The following BTD variants were observed in gnomAD, a reference collection of about 807,000 sequenced individuals.
BTD encodes biocytinase.
Under a neutral mutation model 17.7 loss-of-function variants are expected in BTD, and 13 were observed. The observed-to-expected ratio is 0.74, with a 90% confidence interval of 0.48 to 1.17. The LOEUF (loss-of-function observed/expected upper bound fraction) is 1.17. Ranked by LOEUF, BTD falls within the 50% of genes most tolerant of loss-of-function variation. BTD has a pLI of 0.00. For missense variants in BTD, 674 were observed against 650.4 expected, an observed-to-expected ratio of 1.04 and a Z score of -0.39; for synonymous variants, 240 against 245.2, an observed-to-expected ratio of 0.98 and a Z score of 0.20.
chr3:15,617,132 C>T (rs1266310465), intron 1 of BTD, among the ~76,000 whole-genome samples: 1 of 152,198 alleles, frequency 6.6e-6, no homozygotes, highest in East Asian at 1.9e-4. Context: ...CATGCCCGGC[C>T]TTTTGCCTAT....
At chr3:15,601,515 A>C, upstream of BTD, 1 of 1,609,268 alleles carries the variant, frequency 6.2e-7, no homozygotes, top group African/African-American at 1.3e-5. Flanking sequence ...AAGCGGAATC[A>C]TCCAGCAAGG....
At chr3:15,710,581 C>T (rs1253431616) in exon 4 of BTD, among the ~76,000 whole-genome samples, 1 of 152,114 alleles carries the variant, frequency 6.6e-6, no homozygotes, top group Non-Finnish European at 1.5e-5. Context: ...TTGAGAATAA[C>T]GTTTTTGCAA....
intron 3 of BTD, chr3:15,690,360 C>G: frequency 1.4e-6 from 1 of 703,318 alleles, no homozygotes; most frequent in African/African-American, 1.8e-5. Flanking sequence ...ATCGAGAATT[C>G]AGGAAGTTAA....
chr3:15,604,558 C>T (rs1403311281), intron 1 of BTD, among the ~76,000 whole-genome samples: 1 of 152,198 alleles, frequency 6.6e-6, no homozygotes, highest in Admixed American at 6.5e-5. Flanking sequence ...TAATAGTTAG[C>T]TTCTTATTAC....
At chr3:15,720,969 A>G in intron 4 of BTD, 2 of 1,613,920 alleles carry the variant, frequency 1.2e-6, no homozygotes, top group South Asian at 2.2e-5. Flanking sequence ...ACAATGCTCC[A>G]TGTGTTGATG....
At chr3:15,654,300 A>G (rs1331893073), downstream of BTD, among the ~76,000 whole-genome samples, 1 of 152,106 alleles carries the variant, frequency 6.6e-6, no homozygotes, top group Non-Finnish European at 1.5e-5. Context: ...GGCTGGGGGA[A>G]GAGTTAGGGT....
chr3:15,674,718 G>C (rs144846375), intron 3 of BTD, among the ~76,000 whole-genome samples: 1 of 152,238 alleles, frequency 6.6e-6, no homozygotes, highest in East Asian at 1.9e-4. Flanking sequence ...GAAGAAGAGG[G>C]AGAAATTTTG....
chr3:15,654,351 A>G (rs1204318274), downstream of BTD, among the ~76,000 whole-genome samples: 1 of 152,096 alleles, frequency 6.6e-6, no homozygotes, highest in Non-Finnish European at 1.5e-5. Flanking sequence ...AGGCAGGGGA[A>G]TAACATGGTC....
At position 15,649,370 on chromosome 3, in the gene BTD, A is replaced by G. The variant is rs969884717; in HGVS notation, c.*3882A>G. On this transcript the variant is annotated 3_prime_UTR_variant, in exon 4 of 4. Transcript: ENST00000643237. ...ATTTGGCACCATCTTATTGAGTTAC[A>G]CAGGTCAGCCCTGCTCCCTATGGAA... 1.3e-5 allele frequency among the ~76,000 whole-genome samples: 2 copies of G among 152,214 alleles called. No homozygotes were observed. Among genetic ancestry groups the G allele is most frequent in the Non-Finnish European group, 1.5e-5 (1 of 68,030 alleles).
downstream of BTD, among the ~76,000 whole-genome samples, chr3:15,653,900 A>G (rs1335526788): frequency 6.6e-6 from 1 of 152,190 alleles, no homozygotes; most frequent in Non-Finnish European, 1.5e-5. Flanking sequence ...CTGTTTTTTA[A>G]AATTTATTTT....
At chr3:15,655,191 G>A (rs1280944671), downstream of BTD, among the ~76,000 whole-genome samples, 1 of 152,204 alleles carries the variant, frequency 6.6e-6, no homozygotes, top group Non-Finnish European at 1.5e-5. Flanking sequence ...GAACAAAGAA[G>A]GCTGTGTCCT....
intron 3 of BTD, among the ~76,000 whole-genome samples, chr3:15,706,202 C>T (rs1187740272): frequency 2.6e-5 from 4 of 151,960 alleles, no homozygotes; most frequent in African/African-American, 9.7e-5. Context: ...TAACTCGTCA[C>T]TTACATTAGG....
chr3:15,709,644 T>A, intron 3 of BTD: 1 of 1,513,986 alleles, frequency 6.6e-7, no homozygotes, highest in Non-Finnish European at 8.9e-7. Context: ...ATAGGCTCCA[T>A]AAAGAAACTG....
Position 15,642,529 on chromosome 3 carries a change from A to G in BTD, c.399+472A>G, listed in dbSNP as rs537496020. Among the ~76,000 whole-genome samples the G allele has an allele frequency of 9.7e-5, 14 of 144,860 alleles. No individual in the cohort carries two copies. In the South Asian group the frequency reaches 3.0e-3, roughly 31 times the overall value. On this transcript the variant is annotated intron_variant, in intron 3 of 3. Coordinates refer to ENST00000643237, the MANE Select transcript of BTD (RefSeq NM_001370658.1). ...GAGCGCAGTGGCGCGATCTCAGCTC[A>G]CTGCAAGCTCTGCCTTCCGGGTTCA...
At chr3:15,687,380 A>C (rs1237992804) in intron 3 of BTD, among the ~76,000 whole-genome samples, 1 of 152,148 alleles carries the variant, frequency 6.6e-6, no homozygotes, top group Non-Finnish European at 1.5e-5. Flanking sequence ...CCATCTAAAG[A>C]ATGCATGTGT....
At chr3:15,687,910 C>G (rs2068328088) in intron 3 of BTD, among the ~76,000 whole-genome samples, 1 of 152,174 alleles carries the variant, frequency 6.6e-6, no homozygotes, top group Non-Finnish European at 1.5e-5. Flanking sequence ...CACAGCATCT[C>G]TGTGGGAAAT....
chr3:15,632,059 C>T (rs547053815), intron 1 of BTD, among the ~76,000 whole-genome samples: 1 of 152,280 alleles, frequency 6.6e-6, no homozygotes, highest in Admixed American at 6.5e-5. Context: ...GAGGCATGCT[C>T]CTGCCTCAGG....
At chr3:15,625,531 TTTTG>T (rs541879800) in intron 1 of BTD, among the ~76,000 whole-genome samples, 3 of 151,906 alleles carry the variant, frequency 2.0e-5, no homozygotes, top group South Asian at 2.1e-4. Context: ...TGGAGTTGTT[TTTTG>T]TTTGTTTGTT....
chr3:15,640,086 A>G (rs940144013), intron 2 of BTD, among the ~76,000 whole-genome samples: 1 of 152,234 alleles, frequency 6.6e-6, no homozygotes, highest in African/African-American at 2.4e-5. Flanking sequence ...CCTGGGCGAC[A>G]GACCAAGACT....
Sources: allele counts gnomAD v4.1 joint callset (sites outside exome capture counted in the v4.1 genomes callset), GRCh38; gene constraint gnomAD v4.1.1; transcripts MANE v1.5; gene names NCBI Gene and HGNC (gene_info 2026-07-23, HGNC 2026-07-21).